The following TXNL4A variants were observed in gnomAD, a reference collection of about 807,000 sequenced individuals.
TXNL4A encodes thioredoxin like 4A.
Under a neutral mutation model 14.6 loss-of-function variants are expected in TXNL4A, and 17 were observed. The observed-to-expected ratio is 1.16, with a 90% CI of 0.80 to 1.74. TXNL4A has a LOEUF of 1.74. Ranked by LOEUF, TXNL4A falls within the 40% of genes most tolerant of loss-of-function variation. TXNL4A has a pLI of 0.00. For synonymous variants in TXNL4A, 83 were observed against 70.6 expected, an observed-to-expected ratio of 1.18 and a Z score of -0.88; for missense variants, 74 against 195.2, an observed-to-expected ratio of 0.38 and a Z score of 3.70.
At chr18:79,992,753 A>G (rs1337598650), upstream of TXNL4A, among the ~76,000 whole-genome samples, 1 of 152,096 alleles carries the variant, frequency 6.6e-6, no homozygotes, top group Non-Finnish European at 1.5e-5. Context: ...AGGTGCAGTC[A>G]TCCCCCTGCC....
intron 1 of TXNL4A, among the ~76,000 whole-genome samples, chr18:80,004,384 G>A (rs2051716116): frequency 6.6e-6 from 1 of 152,172 alleles, no homozygotes; most frequent in South Asian, 2.1e-4. Context: ...GTAGAGGTGG[G>A]TGCCTCTCCC....
chr18:79,983,578 T>C (rs569858273), intron 1 of TXNL4A, among the ~76,000 whole-genome samples: 15 of 152,308 alleles, frequency 9.8e-5, no homozygotes, highest in African/African-American at 3.6e-4. Flanking sequence ...GGAAAAAGTG[T>C]TCTGGGCAGT....
At chr18:80,009,188 T>G (rs1465403112) in intron 1 of TXNL4A, among the ~76,000 whole-genome samples, 2 of 152,346 alleles carry the variant, frequency 1.3e-5, no homozygotes, top group African/African-American at 4.8e-5. Context: ...TAATACTTTT[T>G]TTTTGTAAAT....
intron 1 of TXNL4A, among the ~76,000 whole-genome samples, chr18:80,014,922 G>A (rs759020895): frequency 1.3e-5 from 2 of 152,170 alleles, no homozygotes; most frequent in Non-Finnish European, 1.5e-5. Flanking sequence ...ACTTCTGTGC[G>A]GTCACAGGCT....
At chr18:80,004,582 A>G (rs1049499281) in intron 1 of TXNL4A, among the ~76,000 whole-genome samples, 2 of 152,130 alleles carry the variant, frequency 1.3e-5, no homozygotes, top group Non-Finnish European at 2.9e-5. Context: ...TGAAGAGGAA[A>G]GTAAGTGCCA....
intron 1 of TXNL4A, among the ~76,000 whole-genome samples, chr18:80,020,382 C>T (rs777621319): frequency 1.3e-5 from 2 of 152,166 alleles, no homozygotes; most frequent in Non-Finnish European, 2.9e-5. Flanking sequence ...CACAGACTTC[C>T]TTTAGAGGAT....
At chr18:79,980,370 T>C (rs997096036) in intron 1 of TXNL4A, among the ~76,000 whole-genome samples, 3 of 152,154 alleles carry the variant, frequency 2.0e-5, no homozygotes, top group African/African-American at 7.2e-5. Flanking sequence ...GCACAACATT[T>C]CTTCATATAA....
intron 1 of TXNL4A, among the ~76,000 whole-genome samples, chr18:79,997,698 G>T (rs1193432297): frequency 4.6e-5 from 7 of 152,112 alleles, no homozygotes; most frequent in Admixed American, 4.6e-4. Context: ...TGATTTAGAG[G>T]ATTTAATTTT....
upstream of TXNL4A, among the ~76,000 whole-genome samples, chr18:79,990,032 GTC>G (rs917104866): frequency 3.3e-5 from 5 of 152,188 alleles, no homozygotes; most frequent in African/African-American, 1.2e-4. Context: ...ATGCTGTGGT[GTC>G]TCTCAGATGG....
At chr18:80,032,645 G>A (rs1282457154) in intron 1 of TXNL4A, among the ~76,000 whole-genome samples, 1 of 152,160 alleles carries the variant, frequency 6.6e-6, no homozygotes, top group Non-Finnish European at 1.5e-5. Context: ...TTTGAGACCA[G>A]CTTGGCCAAC....
chr18:79,994,450 G>T (rs993275772), intron 1 of TXNL4A, among the ~76,000 whole-genome samples: 2 of 151,908 alleles, frequency 1.3e-5, no homozygotes, highest in African/African-American at 2.4e-5. Context: ...CCAGGGGAAA[G>T]ATCACCTCAT....
rs778777844 is a variant in TXNL4A at position 79,977,524 on chromosome 18, TA to T, written c.257+73del. On this transcript the variant is annotated intron_variant, in intron 2 of 2. Coordinates refer to ENST00000269601, the MANE Select transcript of TXNL4A (RefSeq NM_006701.5). ...CAACTTCCTTCAAAATAAAATAATC[TA>T]AAGAGATCTTGATTACATTAAGCTT... 6.3e-6 allele frequency: 8 copies of T among 1,268,838 alleles called. 1 individual carries two copies. In the Middle Eastern group the frequency reaches 1.3e-3, roughly 214 times the overall value. 78.6% of individuals were successfully genotyped at this position (1,268,838 alleles called of 1,614,324 possible).
rs555499238 is a variant in TXNL4A, at chr18:80,015,263, T to C, written c.-61+18588A>G. ...TTGAATTTCTCCTCAAAAAAAAAAA[T>C]GGACTTTTCTTTTCTACTTCATTGA... On this transcript the variant is annotated intron_variant, in intron 1 of 2. Transcript: ENST00000585474. Among the ~76,000 whole-genome samples the C allele has an allele frequency of 3.3e-5, 5 of 151,982 alleles. 1 individual carries two copies. The East Asian group carries it at 5.8e-4, about 18-fold the overall frequency.
intron 1 of TXNL4A, among the ~76,000 whole-genome samples, chr18:79,995,765 T>C (rs2051656292): frequency 6.6e-6 from 1 of 152,148 alleles, no homozygotes; most frequent in Non-Finnish European, 1.5e-5. Context: ...TTTAAGCTCA[T>C]AGGTCTGAGG....
intron 1 of TXNL4A, among the ~76,000 whole-genome samples, chr18:80,004,851 G>A (rs1419094704): frequency 1.3e-5 from 2 of 152,212 alleles, no homozygotes; most frequent in Non-Finnish European, 2.9e-5. Context: ...TGTGTTTAAA[G>A]GAGTGCAAAG....
chr18:80,012,411 G>C (rs2051776071), intron 1 of TXNL4A, among the ~76,000 whole-genome samples: 1 of 152,166 alleles, frequency 6.6e-6, no homozygotes, highest in Admixed American at 6.5e-5. Context: ...CGTGTTAGAA[G>C]GGTTTAAAAA....
At chr18:79,996,132 C>A (rs553158092) in intron 1 of TXNL4A, among the ~76,000 whole-genome samples, 100 of 143,176 alleles carry the variant, frequency 7.0e-4, no homozygotes, top group African/African-American at 2.1e-3. Context: ...AAAAAACGGC[C>A]AGGACAGCTT....
At chr18:79,986,493 C>A (rs1223080755) in intron 1 of TXNL4A, 1 of 844,976 alleles carries the variant, frequency 1.2e-6, no homozygotes, top group African/African-American at 1.8e-5. Context: ...AAGTGTGTGT[C>A]CACTATGTGT....
At chr18:80,027,234 G>A (rs2051890576) in intron 1 of TXNL4A, among the ~76,000 whole-genome samples, 1 of 151,884 alleles carries the variant, frequency 6.6e-6, no homozygotes, top group South Asian at 2.1e-4. Context: ...AGATGGAATC[G>A]CCCCTATCAT....
Sources: allele counts gnomAD v4.1 joint callset (sites outside exome capture counted in the v4.1 genomes callset), GRCh38; gene constraint gnomAD v4.1.1; transcripts MANE v1.5; gene names NCBI Gene and HGNC (gene_info 2026-07-23, HGNC 2026-07-21).